The following HTR1F variants were observed in gnomAD, a reference collection of about 807,000 sequenced individuals.
HTR1F encodes 5-hydroxytryptamine (serotonin) receptor 1F, G protein-coupled.
In HTR1F, 17 loss-of-function variants were observed where a neutral mutation model predicts 24.0. The ratio of observed to expected loss-of-function variants is 0.71; its 90% CI spans 0.48 to 1.06. The LOEUF is 1.06. Among genes scored for constraint, HTR1F ranks in the 50% least tolerant of loss-of-function variants. HTR1F has a pLI of 0.00. For synonymous variants in HTR1F, 186 were observed against 156.8 expected (o/e 1.19, Z -1.39); for missense variants, 391 against 427.8 (o/e 0.91, Z 0.76).
chr3:87,804,084 AAT>A (rs1286881906), intron 1 of HTR1F, among the ~76,000 whole-genome samples: 2 of 152,070 alleles, frequency 1.3e-5, no homozygotes, highest in African/African-American at 4.8e-5. Flanking sequence ...TTTCATTTTT[AAT>A]ATGTTTTATC....
At chr3:87,967,826 C>A (rs1180642295) in intron 2 of HTR1F, among the ~76,000 whole-genome samples, 1 of 152,166 alleles carries the variant, frequency 6.6e-6, no homozygotes, top group Non-Finnish European at 1.5e-5. Flanking sequence ...TGTGTATCAG[C>A]AGCACGAGAA....
chr3:87,921,631 G>A (rs796866136), intron 2 of HTR1F, among the ~76,000 whole-genome samples: 1 of 151,738 alleles, frequency 6.6e-6, no homozygotes, highest in South Asian at 2.1e-4. Context: ...ATAAGTAATT[G>A]TTAACTATCA....
At chr3:87,858,939 T>A (rs757106291) in intron 2 of HTR1F, among the ~76,000 whole-genome samples, 10 of 152,214 alleles carry the variant, frequency 6.6e-5, no homozygotes, top group Non-Finnish European at 1.2e-4. Flanking sequence ...CTCATGCCTG[T>A]AATCCCAGCA....
intron 2 of HTR1F, among the ~76,000 whole-genome samples, chr3:87,932,241 C>A (rs1704294666): frequency 6.6e-6 from 1 of 152,096 alleles, no homozygotes. Flanking sequence ...AGGAAGGGAT[C>A]CAGTTTCAGC....
chr3:87,868,939 AT>A (rs1213388461), intron 2 of HTR1F, among the ~76,000 whole-genome samples: 5 of 152,008 alleles, frequency 3.3e-5, no homozygotes, highest in East Asian at 1.9e-4. Flanking sequence ...TAAGATGCTG[AT>A]TTTTTAATAT....
At chr3:87,978,282 G>A (rs980529836) in intron 2 of HTR1F, among the ~76,000 whole-genome samples, 8 of 152,176 alleles carry the variant, frequency 5.3e-5, no homozygotes, top group African/African-American at 1.9e-4. Context: ...CAGAAGGGCC[G>A]CAGCTCTTCT....
chr3:87,910,956 A>T (rs1373418600), intron 2 of HTR1F, among the ~76,000 whole-genome samples: 1 of 152,032 alleles, frequency 6.6e-6, no homozygotes, highest in Non-Finnish European at 1.5e-5. Context: ...CACAATCTCT[A>T]GGACACAGCT....
intron 2 of HTR1F, among the ~76,000 whole-genome samples, chr3:87,844,993 T>G (rs976931171): frequency 6.6e-6 from 1 of 151,918 alleles, no homozygotes; most frequent in Non-Finnish European, 1.5e-5. Context: ...TTCTTTTGGC[T>G]TGTATAGATG....
chr3:87,938,932 A>G (rs1242195337), intron 2 of HTR1F, among the ~76,000 whole-genome samples: 1 of 152,254 alleles, frequency 6.6e-6, no homozygotes, highest in African/African-American at 2.4e-5. Context: ...GCAAAAATTG[A>G]CATATGGATC....
chr3:87,947,413 G>A (rs1182380527), intron 2 of HTR1F, among the ~76,000 whole-genome samples: 1 of 152,158 alleles, frequency 6.6e-6, no homozygotes, highest in East Asian at 1.9e-4. Context: ...AAAGTCTGAA[G>A]TTGTAATTGT....
intron 2 of HTR1F, among the ~76,000 whole-genome samples, chr3:87,858,754 A>G (rs886984978): frequency 1.3e-5 from 2 of 152,178 alleles, no homozygotes; most frequent in African/African-American, 4.8e-5. Context: ...TTTACTAAGA[A>G]TGATAAAGAA....
At chr3:87,908,987 G>T (rs1703721124) in intron 2 of HTR1F, among the ~76,000 whole-genome samples, 1 of 152,042 alleles carries the variant, frequency 6.6e-6, no homozygotes, top group African/African-American at 2.4e-5. Context: ...TAGTAGAGTA[G>T]TAGATATAAT....
rs534572943 is a variant in HTR1F at position 87,865,099 on chromosome 3, T to C, written c.-43+42975T>C. On this transcript the variant is annotated intron_variant, in intron 2 of 2. Transcript: ENST00000319595. ...GCATGAAGGTTAGTCTAAGGGTTGA[T>C]CTGAGTTATTTAGTCATACAGAAGC... Among the ~76,000 whole-genome samples, 82 of 152,212 alleles carry C rather than the reference T, an allele frequency of 5.4e-4. 2 individuals carry two copies. In the South Asian group the frequency reaches 0.016, roughly 30 times the overall value.
intron 2 of HTR1F, among the ~76,000 whole-genome samples, chr3:87,920,314 T>C (rs1703986552): frequency 6.6e-6 from 1 of 151,710 alleles, no homozygotes; most frequent in Admixed American, 6.6e-5. Flanking sequence ...ACTGCTCAGG[T>C]GATGGGTGCA....
intron 2 of HTR1F, among the ~76,000 whole-genome samples, chr3:87,963,711 T>A (rs1705109751): frequency 6.6e-6 from 1 of 152,140 alleles, no homozygotes; most frequent in South Asian, 2.1e-4. Flanking sequence ...AACTTCTCAA[T>A]GGAGGTGAAA....
At chr3:87,897,245 T>C (rs578120438) in intron 2 of HTR1F, among the ~76,000 whole-genome samples, 1 of 148,690 alleles carries the variant, frequency 6.7e-6, no homozygotes, top group Non-Finnish European at 1.5e-5. Flanking sequence ...TTTATATATA[T>C]ATATATAATT....
intron 2 of HTR1F, among the ~76,000 whole-genome samples, chr3:87,944,751 T>C (rs1173829199): frequency 6.6e-6 from 1 of 152,240 alleles, no homozygotes; most frequent in Admixed American, 6.5e-5. Context: ...TGAGGTTTCC[T>C]CTAAAAGTTA....
At chr3:87,988,535 AAT>A (rs1170866331) in intron 2 of HTR1F, among the ~76,000 whole-genome samples, 1 of 152,198 alleles carries the variant, frequency 6.6e-6, no homozygotes, top group African/African-American at 2.4e-5. Flanking sequence ...AGTAGAACAG[AAT>A]AGAAAATACG....
intron 2 of HTR1F, among the ~76,000 whole-genome samples, chr3:87,849,079 A>G (rs975411829): frequency 2.2e-4 from 33 of 151,510 alleles, no homozygotes; most frequent in African/African-American, 8.1e-4. Context: ...GCTACCAATG[A>G]CTTTCTTCAC....
Sources: allele counts gnomAD v4.1 joint callset (sites outside exome capture counted in the v4.1 genomes callset), GRCh38; gene constraint gnomAD v4.1.1; transcripts MANE v1.5; gene names NCBI Gene and HGNC (gene_info 2026-07-23, HGNC 2026-07-21).